The following KANK1 variants were observed in gnomAD, a reference collection of about 807,000 sequenced individuals.
The protein encoded by KANK1 is KN motif and ankyrin repeat domains 1, also known as KN motif and ankyrin repeat domain-containing protein 1.
In KANK1, 109 loss-of-function variants were observed where a neutral mutation model predicts 106.2. That is an observed-to-expected ratio of 1.03 (90% confidence interval 0.88 to 1.20). The LOEUF is 1.20. Among genes scored for constraint, KANK1 ranks in the 50% most tolerant of loss-of-function variants. The pLI, the probability that KANK1 is intolerant of heterozygous loss-of-function variation, is 0.00. For missense variants in KANK1, 2,399 were observed against 1,710.7 expected (o/e 1.40, Z -7.10); for synonymous variants, 873 against 652.2 (o/e 1.34, Z -5.16).
chr9:589,310 A>G (rs372399679), intron 1 of KANK1, among the ~76,000 whole-genome samples: 2 of 152,138 alleles, frequency 1.3e-5, no homozygotes, highest in South Asian at 2.1e-4. Flanking sequence ...GCAGAGCTGA[A>G]TGTGTACTCT....
chr9:711,432 T>C lies in KANK1; in HGVS notation c.666T>C (p.Tyr222=), dbSNP rs1826045622. ...ATGGATACCAAGGTAATGGGGATTA[T>C]GGTAGCTATGCCCCAGCTGCTCCCA... ...LQNGYQGNGD[Y]GSYAPAAPTT... Residue 222 remains tyrosine (Y), a synonymous_variant, in exon 3 of 12, where the codon TAT becomes TAC. Transcript: ENST00000382297. 2 of 1,614,206 alleles carry C rather than the reference T, an allele frequency of 1.2e-6. No homozygotes were observed. The highest frequency in any genetic ancestry group is 8.5e-7 in the Non-Finnish European group (1 of 1,180,034).
At chr9:713,637 G>A (rs927369361) in intron 3 of KANK1, among the ~76,000 whole-genome samples, 173 bp downstream of exon 3, 1 of 152,166 alleles carries the variant, frequency 6.6e-6, no homozygotes, top group African/African-American at 2.4e-5. Flanking sequence ...AAGCACCTCT[G>A]CTGATGCTTA....
intron 1 of KANK1, among the ~76,000 whole-genome samples, chr9:573,564 C>A (rs1367935382): frequency 6.6e-6 from 1 of 152,008 alleles, no homozygotes; most frequent in African/African-American, 2.4e-5. Flanking sequence ...GCCACCGCGC[C>A]CGGTCAAGGA....
chr9:700,441 CT>C (rs1348610740), intron 2 of KANK1, among the ~76,000 whole-genome samples: 1 of 152,194 alleles, frequency 6.6e-6, no homozygotes, highest in Non-Finnish European at 1.5e-5. Context: ...TCTTAGAACA[CT>C]TTCCACTCCT....
At chr9:665,629 C>G (rs139701657) in intron 1 of KANK1, among the ~76,000 whole-genome samples, 1 of 152,156 alleles carries the variant, frequency 6.6e-6, no homozygotes, top group African/African-American at 2.4e-5. Context: ...TCTTTTTGCT[C>G]AAGATTGCTT....
At chr9:737,235 A>T (rs997930719) in intron 7 of KANK1, among the ~76,000 whole-genome samples, 1 of 152,184 alleles carries the variant, frequency 6.6e-6, no homozygotes, top group African/African-American at 2.4e-5. Flanking sequence ...AAAAAAAAGG[A>T]CACTCTTCAA....
At chr9:697,303 G>T (rs1010788698) in intron 2 of KANK1, among the ~76,000 whole-genome samples, 14 of 152,144 alleles carry the variant, frequency 9.2e-5, no homozygotes, top group African/African-American at 3.4e-4. Flanking sequence ...TCCCCATGCA[G>T]ATACATGATG....
At chr9:657,457 T>A (rs1489462110) in intron 1 of KANK1, among the ~76,000 whole-genome samples, 2 of 152,192 alleles carry the variant, frequency 1.3e-5, no homozygotes, top group Non-Finnish European at 2.9e-5. Context: ...TATACTGTTT[T>A]CTGTAGCAGC....
At position 710,851 on chromosome 9, in the gene KANK1, G is replaced by C. The variant is rs1825841269; in HGVS notation, c.85G>C (p.Asp29His). ...TGGAGACCAGGACAAGGAACAGAAA[G>C]ACCCTTACTTTGTGGAGACCCCCTA... ...LSGDQDKEQKDPYFVETPYGY... is the reference protein window; with the variant it reads ...LSGDQDKEQKHPYFVETPYGY... The change falls in exon 3 of 12, where the codon GAC becomes CAC. Residue 29 changes from aspartate (D) to histidine (H), a missense_variant. Transcript: ENST00000382297. 1 of 1,612,570 alleles carries C rather than the reference G, an allele frequency of 6.2e-7. No homozygotes were observed. The highest frequency in any genetic ancestry group is 8.5e-7 in the Non-Finnish European group (1 of 1,179,474).
intron 1 of KANK1, among the ~76,000 whole-genome samples, chr9:517,253 A>G (rs1384163305): frequency 6.6e-6 from 1 of 151,526 alleles, no homozygotes; most frequent in East Asian, 1.9e-4. Context: ...ACAGGCATGC[A>G]CCACCATGCC....
intron 1 of KANK1, among the ~76,000 whole-genome samples, chr9:641,800 T>C (rs541749141): frequency 1.3e-5 from 2 of 152,292 alleles, no homozygotes; most frequent in South Asian, 2.1e-4. Flanking sequence ...TACATTTTGG[T>C]TTTTTAAGGA....
At chr9:481,372 G>A (rs535523344) in intron 3 of KANK1, among the ~76,000 whole-genome samples, 1 of 152,294 alleles carries the variant, frequency 6.6e-6, no homozygotes, top group South Asian at 2.1e-4. Flanking sequence ...TATGGATCAA[G>A]AGGATATTTG....
intron 5 of KANK1, 81 bp from the exon 6 acceptor site, chr9:732,297 G>C: frequency 6.7e-7 from 1 of 1,501,844 alleles, no homozygotes; most frequent in Non-Finnish European, 9.0e-7. Context: ...GAGTCAATTA[G>C]CAAATCCCTT....
chr9:658,181 A>G (rs1432707785), intron 1 of KANK1, among the ~76,000 whole-genome samples: 1 of 152,196 alleles, frequency 6.6e-6, no homozygotes, highest in Non-Finnish European at 1.5e-5. Flanking sequence ...GATGATAAAC[A>G]AAGCCCAGAG....
At chr9:613,764 C>G (rs1831130747) in intron 1 of KANK1, among the ~76,000 whole-genome samples, 1 of 152,066 alleles carries the variant, frequency 6.6e-6, no homozygotes, top group South Asian at 2.1e-4. Flanking sequence ...AATACAGGTT[C>G]ATGAGCCCCT....
chr9:645,157 T>C (rs776390974), intron 1 of KANK1, among the ~76,000 whole-genome samples: 1 of 141,258 alleles, frequency 7.1e-6, no homozygotes, highest in Non-Finnish European at 1.5e-5. Context: ...GAATTAGGCT[T>C]AGGGAGTGCA....
intron 3 of KANK1, among the ~76,000 whole-genome samples, chr9:493,413 C>T (rs1281760240): frequency 6.6e-6 from 1 of 151,772 alleles, no homozygotes; most frequent in Non-Finnish European, 1.5e-5. Flanking sequence ...TGACAGAAGC[C>T]CCCAGTGACA....
At chr9:514,188 C>T (rs1183166427) in intron 1 of KANK1, among the ~76,000 whole-genome samples, 1 of 89,694 alleles carries the variant, frequency 1.1e-5, no homozygotes, top group Non-Finnish European at 2.0e-5. Context: ...TCCTCTCTCC[C>T]TCCCTTCCTC....
chr9:732,272 C>G, intron 5 of KANK1, 106 bp from the exon 6 acceptor site: 1 of 1,350,720 alleles, frequency 7.4e-7, no homozygotes, highest in Non-Finnish European at 1.0e-6. Context: ...TCTAAAACCA[C>G]TAGTGAAATT....
Sources: gnomAD v4.1 joint callset for allele counts (sites outside exome capture counted in the v4.1 genomes callset) on GRCh38, gnomAD v4.1.1 for gene constraint, MANE v1.5 for transcripts, NCBI Gene and HGNC (gene_info 2026-07-23, HGNC 2026-07-21) for gene names.